RCAN1: variants seen among roughly 807,000 people sequenced by gnomAD.
RCAN1 encodes the protein calcipressin-1.
A neutral mutation model predicts 22.9 loss-of-function variants in RCAN1; 11 were observed. That is an observed-to-expected ratio of 0.48 (90% CI 0.30 to 0.79). The LOEUF is 0.79. Among genes scored for constraint, RCAN1 ranks in the 30% least tolerant of loss-of-function variants. The probability of loss-of-function intolerance (pLI) is 0.06; values close to 1 mark genes in which losing one functional copy is unlikely to be tolerated. For missense variants in RCAN1, 291 were observed against 337.8 expected (o/e 0.86, Z 1.09); for synonymous variants, 136 against 142.3 (o/e 0.96, Z 0.32).
chr21:34,586,751 A>G (rs530612544), intron 1 of RCAN1, among the ~76,000 whole-genome samples: 5 of 152,276 alleles, frequency 3.3e-5, no homozygotes, highest in South Asian at 2.1e-4. Flanking sequence ...TCAGGAGTTC[A>G]TGACCAGCCT....
At chr21:34,613,245 T>C (rs1405990240) in intron 1 of RCAN1, among the ~76,000 whole-genome samples, 1 of 152,228 alleles carries the variant, frequency 6.6e-6, no homozygotes, top group Non-Finnish European at 1.5e-5. Flanking sequence ...CACTCCCTCC[T>C]CCTGCCCTCC....
At chr21:34,534,573 G>A (rs1018855103) in intron 1 of RCAN1, among the ~76,000 whole-genome samples, 4 of 152,188 alleles carry the variant, frequency 2.6e-5, no homozygotes, top group African/African-American at 7.2e-5. Flanking sequence ...AAAATTCGGA[G>A]AACTGCACCA....
chr21:34,523,421 T>C (rs1365372385), intron 2 of RCAN1, 116 bp downstream of exon 2: 2 of 978,552 alleles, frequency 2.0e-6, no homozygotes, highest in African/African-American at 3.3e-5. Context: ...TTTGTCTTTC[T>C]CAAGGTGAAG....
intron 1 of RCAN1, among the ~76,000 whole-genome samples, chr21:34,601,721 G>A (rs1212551175): frequency 6.6e-6 from 1 of 151,936 alleles, no homozygotes; most frequent in Admixed American, 6.6e-5. Flanking sequence ...GGGAGGCTGA[G>A]GCAGGAGAAT....
At position 34,602,346 on chromosome 21, in the gene RCAN1, C is replaced by T. The variant is rs151060107; in HGVS notation, c.252+12414G>A. 1.0e-3 allele frequency among the ~76,000 whole-genome samples: 157 copies of T among 152,316 alleles called. 1 individual carries two copies. In the East Asian group the frequency reaches 0.023, roughly 22 times the overall value. The stretch of plus-strand genomic sequence containing the variant: ...CACTAAATGCAGGAAGTCACCCCCA[C>T]AACCAACAAGCTCTATACCCGCACC... On this transcript the variant is annotated intron_variant, in intron 1 of 3. Transcript: ENST00000313806.
At chr21:34,533,733 G>C (rs1160437862) in intron 1 of RCAN1, among the ~76,000 whole-genome samples, 1 of 152,234 alleles carries the variant, frequency 6.6e-6, no homozygotes, top group African/African-American at 2.4e-5. Flanking sequence ...GCAGCGCGGA[G>C]GGGCAGAAAA....
intron 1 of RCAN1, among the ~76,000 whole-genome samples, chr21:34,604,555 A>G (rs1988465320): frequency 6.6e-6 from 1 of 152,250 alleles, no homozygotes; most frequent in Non-Finnish European, 1.5e-5. Context: ...CTCTAGCCAC[A>G]TGCTGGACAA....
Position 34,588,453 on chromosome 21 carries a change from C to T in RCAN1, c.252+26307G>A, listed in dbSNP as rs550196725. Among the ~76,000 whole-genome samples, 14 of 152,262 alleles carry T rather than the reference C, an allele frequency of 9.2e-5. No individual in the cohort carries two copies. In the South Asian group the frequency reaches 2.9e-3, roughly 32 times the overall value. On this transcript the variant is annotated intron_variant, in intron 1 of 3. Transcript: ENST00000313806. ...TGTATTTTTCTGTATGTATGTTATACTTCAATTAGAAAAGTATAGCTTTTT... is the reference window on the plus strand; with the variant it reads ...TGTATTTTTCTGTATGTATGTTATATTTCAATTAGAAAAGTATAGCTTTTT...
chr21:34,541,507 ATACTT>A (rs1161717723), intron 1 of RCAN1, among the ~76,000 whole-genome samples: 2 of 152,230 alleles, frequency 1.3e-5, no homozygotes, highest in Non-Finnish European at 2.9e-5. Context: ...AAGGACATAT[ATACTT>A]TACTCATTTT....
chr21:34,549,874 T>C (rs1986300136), intron 1 of RCAN1, among the ~76,000 whole-genome samples: 1 of 152,140 alleles, frequency 6.6e-6, no homozygotes, highest in Non-Finnish European at 1.5e-5. Flanking sequence ...AACCCAGAGA[T>C]GACCATGCCA....
chr21:34,556,126 A>T (rs1209156136), intron 1 of RCAN1, among the ~76,000 whole-genome samples: 1 of 130,618 alleles, frequency 7.7e-6, no homozygotes, highest in Non-Finnish European at 1.7e-5. Flanking sequence ...AAAAAAAAAG[A>T]GCAGTAAAGA....
At chr21:34,592,367 C>T (rs1341422103) in intron 1 of RCAN1, among the ~76,000 whole-genome samples, 1 of 152,236 alleles carries the variant, frequency 6.6e-6, no homozygotes, top group African/African-American at 2.4e-5. Flanking sequence ...CCTTTTGGCA[C>T]TGTCTTCTGA....
chr21:34,613,924 T>C, intron 1 of RCAN1: 1 of 1,235,884 alleles, frequency 8.1e-7, no homozygotes, highest in Non-Finnish European at 1.1e-6. Context: ...GGGGCATCTC[T>C]CAAAGACCGG....
chr21:34,533,936 G>A (rs1478254216), intron 1 of RCAN1, among the ~76,000 whole-genome samples: 4 of 152,218 alleles, frequency 2.6e-5, no homozygotes, highest in African/African-American at 7.2e-5. Flanking sequence ...CCAGCAAGGA[G>A]GCTCAGGGTG....
At chr21:34,545,062 G>A (rs566466126) in intron 1 of RCAN1, among the ~76,000 whole-genome samples, 2 of 152,296 alleles carry the variant, frequency 1.3e-5, no homozygotes, top group East Asian at 1.9e-4. Flanking sequence ...CACGTCTCCC[G>A]AGTCCCATGC....
intron 1 of RCAN1, among the ~76,000 whole-genome samples, chr21:34,581,139 A>G (rs1222242807): frequency 6.6e-6 from 1 of 151,652 alleles, no homozygotes; most frequent in African/African-American, 2.4e-5. Flanking sequence ...TCTAGACTGG[A>G]AAGTCTAAAT....
chr21:34,521,779 G>A (rs1984578452), intron 2 of RCAN1, 121 bp from the exon 3 acceptor site: 2 of 782,276 alleles, frequency 2.6e-6, no homozygotes, highest in African/African-American at 3.4e-5. Flanking sequence ...GGACAGGTGT[G>A]ATTCCAGGAC....
chr21:34,551,146 AG>A (rs1287194780), intron 1 of RCAN1, among the ~76,000 whole-genome samples: 1 of 152,236 alleles, frequency 6.6e-6, no homozygotes, highest in African/African-American at 2.4e-5. Flanking sequence ...AATAGTAGAA[AG>A]GCTTTTAAAG....
chr21:34,523,594 C>T lies in RCAN1; in HGVS notation c.369G>A (p.Arg123=), dbSNP rs774185407. Residue 123 remains arginine (R), a synonymous_variant, in exon 2 of 4, where the codon AGG becomes AGA. Coordinates refer to ENST00000313806, the MANE Select transcript of RCAN1 (RefSeq NM_004414.7). ...GAAACTCAGTCTTATGCAGCTGGAG[C>T]CTGGCATCTGCTGCGGAGAAGGGGT... ...FSNPFSAADA[R]LQLHKTEFLG... The T allele has an allele frequency of 1.2e-6, 2 of 1,614,000 alleles. No individual in the cohort carries two copies. The highest frequency in any genetic ancestry group is 8.5e-7 in the Non-Finnish European group (1 of 1,180,036).
Sources: gnomAD v4.1 joint callset for allele counts (sites outside exome capture counted in the v4.1 genomes callset) on GRCh38, gnomAD v4.1.1 for gene constraint, MANE v1.5 for transcripts, NCBI Gene and HGNC (gene_info 2026-07-23, HGNC 2026-07-21) for gene names.